The following STYX variants were observed in gnomAD, a reference collection of about 807,000 sequenced individuals.
STYX encodes serine/threonine/tyrosine-interacting protein.
A neutral mutation model predicts 42.7 loss-of-function variants in STYX; 20 were observed. The observed-to-expected ratio is 0.47, with a 90% CI of 0.33 to 0.68. The LOEUF (loss-of-function observed/expected upper bound fraction) is 0.68. STYX is among the 30% of genes least tolerant of loss of function. The pLI, the probability that STYX is intolerant of heterozygous loss-of-function variation, is 0.02. For missense variants in STYX, 226 were observed against 268.5 expected, an observed-to-expected ratio of 0.84 and a Z score of 1.11; for synonymous variants, 78 against 81.9, an observed-to-expected ratio of 0.95 and a Z score of 0.26.
chr14:52,743,843 A>T (rs1188411239), intron 1 of STYX, among the ~76,000 whole-genome samples: 1 of 152,180 alleles, frequency 6.6e-6, no homozygotes, highest in East Asian at 1.9e-4. Context: ...GTATTTTTTT[A>T]GACGGGGTCT....
intron 1 of STYX, among the ~76,000 whole-genome samples, chr14:52,740,021 G>A (rs531977450): frequency 2.6e-5 from 4 of 152,296 alleles, no homozygotes; most frequent in African/African-American, 9.6e-5. Context: ...GCTCATGCCT[G>A]TAATCCCAGC....
chr14:52,759,666 C>A lies in STYX; in HGVS notation c.432-16C>A. ...TAAATAATGCTATCACATTAACACT[C>A]TTTTTCTGTTTTCAGAGATGCTTTT... On this transcript the variant is annotated splice_polypyrimidine_tract_variant and intron_variant, in intron 8 of 10. Coordinates refer to ENST00000354586, the MANE Select transcript of STYX (RefSeq NM_145251.4). The A allele has an allele frequency of 1.3e-6, 2 of 1,551,662 alleles. No individual in the cohort carries two copies. The highest frequency in any genetic ancestry group is 1.1e-5 in the South Asian group (1 of 89,036).
At chr14:52,760,160 C>T (rs12894460) in intron 9 of STYX, among the ~76,000 whole-genome samples, 66,691 of 152,004 alleles carry the variant, frequency 0.44, 15,198 homozygotes, top group Middle Eastern at 0.55. Flanking sequence ...GAACAGTGTG[C>T]CTTTGCACTC....
chr14:52,733,459 C>T (rs1880815175), intron 1 of STYX, among the ~76,000 whole-genome samples: 1 of 152,056 alleles, frequency 6.6e-6, no homozygotes, highest in African/African-American at 2.4e-5. Flanking sequence ...TTAGTCAGAT[C>T]CCACAGGTTA....
chr14:52,737,158 C>T (rs376689000), intron 1 of STYX, among the ~76,000 whole-genome samples: 12 of 152,132 alleles, frequency 7.9e-5, no homozygotes, highest in African/African-American at 2.9e-4. Flanking sequence ...GAACATATCC[C>T]CTGTGGATAA....
chr14:52,764,555 A>G (rs1231969165), intron 9 of STYX, among the ~76,000 whole-genome samples: 1 of 150,194 alleles, frequency 6.7e-6, no homozygotes, highest in East Asian at 2.0e-4. Context: ...ATTTCATATT[A>G]TGCTTTCTGT....
chr14:52,774,118 G>A lies in STYX; in HGVS notation c.*3012G>A, dbSNP rs1379562252. 1 of 152,136 alleles carries A rather than the reference G, an allele frequency of 6.6e-6. No individual in the cohort carries two copies. The highest frequency in any genetic ancestry group is 1.5e-5 in the Non-Finnish European group (1 of 67,998). 9.4% of individuals were successfully genotyped at this position (152,136 alleles called of 1,614,324 possible). On this transcript the variant is annotated 3_prime_UTR_variant, in exon 11 of 11. Coordinates refer to ENST00000354586, the MANE Select transcript of STYX (RefSeq NM_145251.4). The stretch of plus-strand genomic sequence containing the variant: ...CTTTACTTGTATCTACTCTGTGGTG[G>A]AAATGTTAAACCATGATAGCTTTTG...
intron 3 of STYX, among the ~76,000 whole-genome samples, chr14:52,748,174 A>C (rs1440634951): frequency 6.6e-6 from 1 of 152,204 alleles, no homozygotes; most frequent in African/African-American, 2.4e-5. Flanking sequence ...ACAAAAAATA[A>C]TAATGGAGAT....
chr14:52,763,436 G>A (rs191457082), intron 9 of STYX, among the ~76,000 whole-genome samples: 2 of 152,136 alleles, frequency 1.3e-5, no homozygotes, highest in Admixed American at 1.3e-4. Context: ...AATTTCCTGA[G>A]TTGAAAACTT....
At chr14:52,735,174 C>G (rs1880899321) in intron 1 of STYX, among the ~76,000 whole-genome samples, 1 of 152,176 alleles carries the variant, frequency 6.6e-6, no homozygotes, top group Admixed American at 6.5e-5. Flanking sequence ...GAGTTCTTAT[C>G]TCTACTTTCT....
chr14:52,748,116 C>G (rs576536672), intron 3 of STYX, among the ~76,000 whole-genome samples: 41 of 152,244 alleles, frequency 2.7e-4, no homozygotes, highest in Non-Finnish European at 5.4e-4. Context: ...CCCTAGGTAA[C>G]CATAATATAG....
intron 4 of STYX, among the ~76,000 whole-genome samples, chr14:52,751,288 A>G (rs1200983371): frequency 6.6e-6 from 1 of 152,128 alleles, no homozygotes; most frequent in Non-Finnish European, 1.5e-5. Flanking sequence ...TTTAAGTTGC[A>G]TTGTAATCCA....
rs1375422972 is a variant in STYX, at chr14:52,750,766, T to A, written c.228T>A (p.Phe76Leu). 6.3e-7 allele frequency: 1 copy of A among 1,575,080 alleles called. No homozygotes were observed. Among genetic ancestry groups the A allele is most frequent in the Non-Finnish European group, 8.6e-7 (1 of 1,157,918 alleles). ...NIEANFIKPN[F>L]QQLFRYLVLD... is the part of the protein sequence containing the mutation. ...AAGCAAACTTTATTAAACCAAACTT[T>A]CAGCAGTTATTTAGGTAAGAATTAT... The change falls in exon 4 of 11, where the codon TTT (phenylalanine) becomes TTA (leucine). Residue 76 changes from phenylalanine to leucine, a missense_variant. Phe to Leu is a conservative substitution (Grantham distance 22). Transcript: ENST00000354586.
chr14:52,764,103 C>T (rs1250707481), intron 9 of STYX, among the ~76,000 whole-genome samples: 1 of 151,996 alleles, frequency 6.6e-6, no homozygotes, highest in Admixed American at 6.5e-5. Flanking sequence ...AGTGATTCTC[C>T]TGCCTCAGCC....
Position 52,760,425 on chromosome 14 carries a change from A to G in STYX, c.504+671A>G, listed in dbSNP as rs149045636. 2.3e-3 allele frequency among the ~76,000 whole-genome samples: 348 copies of G among 152,196 alleles called. 2 individuals carry two copies. The highest frequency in any genetic ancestry group is 7.6e-3 in the African/African-American group (315 of 41,530). ...GTTTATCTTTTCCATGTTGTTTCAT[A>G]TTTTGTTGATGCCTGGCAGATGCAC... On this transcript the variant is annotated intron_variant, in intron 9 of 10. Transcript: ENST00000354586.
At chr14:52,756,921 A>C (rs1881893925) in intron 5 of STYX, among the ~76,000 whole-genome samples, 1 of 151,992 alleles carries the variant, frequency 6.6e-6, no homozygotes, top group Non-Finnish European at 1.5e-5. Context: ...TCTCGACCTC[A>C]GGTGATCTGC....
chr14:52,764,419 G>C (rs1274171746), intron 9 of STYX, among the ~76,000 whole-genome samples: 1 of 152,020 alleles, frequency 6.6e-6, no homozygotes, highest in Non-Finnish European at 1.5e-5. Flanking sequence ...CTTGATTTTA[G>C]ATGCTTTTCC....
At chr14:52,764,666 C>CTTTTTTTTTTTTTTTTTTTTTTCTTT in intron 9 of STYX, among the ~76,000 whole-genome samples, 1 of 99,014 alleles carries the variant, frequency 1.0e-5, no homozygotes, top group Non-Finnish European at 2.0e-5. Context: ...TTTACTTTTC[C>CTTTTTTTTTTTTTTTTTTTTTTCTTT]TTTTTTTTTT....
At chr14:52,756,522 G>A (rs758807782) in intron 4 of STYX, 29 bp from the exon 5 acceptor site, 81 of 1,316,516 alleles carry the variant, frequency 6.2e-5, no homozygotes, top group Non-Finnish European at 8.2e-5. Context: ...TACTTAAAGT[G>A]TGCTTATCAC....
Sources: allele counts gnomAD v4.1 joint callset (sites outside exome capture counted in the v4.1 genomes callset), GRCh38; gene constraint gnomAD v4.1.1; transcripts MANE v1.5; gene names NCBI Gene and HGNC (gene_info 2026-07-23, HGNC 2026-07-21).